C6: variants seen among roughly 807,000 people sequenced by gnomAD.
C6 encodes the protein complement C6, also known as complement component C6.
Under a neutral mutation model 112.9 loss-of-function variants are expected in C6, and 101 were observed. The ratio of observed to expected loss-of-function variants is 0.89; its 90% CI spans 0.76 to 1.06. The LOEUF (loss-of-function observed/expected upper bound fraction) is 1.06. Among genes scored for constraint, C6 ranks in the 50% least tolerant of loss-of-function variants. The pLI, the probability that C6 is intolerant of heterozygous loss-of-function variation, is 0.00. For missense variants in C6, 1,202 were observed against 1,104.6 expected, an observed-to-expected ratio of 1.09 and a Z score of -1.25; for synonymous variants, 431 against 384.1, an observed-to-expected ratio of 1.12 and a Z score of -1.43.
At chr5:41,165,361 A>G (rs980263085) in intron 9 of C6, among the ~76,000 whole-genome samples, 1 of 152,178 alleles carries the variant, frequency 6.6e-6, no homozygotes, top group Non-Finnish European at 1.5e-5. Flanking sequence ...ATTGCCAAAT[A>G]GTTTCCAAAA....
intron 10 of C6, among the ~76,000 whole-genome samples, chr5:41,160,681 A>T (rs1747404090): frequency 6.6e-6 from 1 of 152,154 alleles, no homozygotes; most frequent in African/African-American, 2.4e-5. Flanking sequence ...GAGATAGGTG[A>T]CCAAGAGTTA....
chr5:41,142,664 G>C lies in C6; in HGVS notation c.*161C>G, dbSNP rs1745455344. 3.0e-6 allele frequency: 2 copies of C among 665,578 alleles called. No individual in the cohort carries two copies. Among genetic ancestry groups the C allele is most frequent in the East Asian group, 5.5e-5 (2 of 36,514 alleles). 41.2% of individuals were successfully genotyped at this position (665,578 alleles called of 1,614,324 possible). On this transcript the variant is annotated 3_prime_UTR_variant, in exon 18 of 18. Coordinates refer to ENST00000337836, the MANE Select transcript of C6 (RefSeq NM_000065.5). ...AACTGAATAAGACATGCCCAAACAG[G>C]AGAGTCAGGGGAGAATAATGATCTC...
At chr5:41,169,067 G>A (rs549141041) in intron 9 of C6, among the ~76,000 whole-genome samples, 1 of 152,210 alleles carries the variant, frequency 6.6e-6, no homozygotes, top group South Asian at 2.1e-4. Flanking sequence ...CTTTTTGTGA[G>A]GAAGATTCAA....
chr5:41,175,197 C>G (rs1379272371), intron 8 of C6, among the ~76,000 whole-genome samples: 2 of 152,120 alleles, frequency 1.3e-5, no homozygotes. Context: ...GGACACCCAT[C>G]CAGCCAGCCA....
At chr5:41,184,334 A>T (rs1173337809) in intron 6 of C6, among the ~76,000 whole-genome samples, 1 of 152,090 alleles carries the variant, frequency 6.6e-6, no homozygotes, top group Admixed American at 6.6e-5. Context: ...TTCTTGATAT[A>T]CTACAAATGT....
intron 17 of C6, among the ~76,000 whole-genome samples, chr5:41,147,788 C>T (rs1000445848): frequency 1.3e-5 from 2 of 152,138 alleles, no homozygotes; most frequent in African/African-American, 4.8e-5. Context: ...CTTAGTTGGG[C>T]TATTTCAGGG....
At chr5:41,192,787 A>G (rs1463590189) in intron 5 of C6, among the ~76,000 whole-genome samples, 1 of 152,200 alleles carries the variant, frequency 6.6e-6, no homozygotes, top group Non-Finnish European at 1.5e-5. Flanking sequence ...ATATTGTAGA[A>G]TTTCATTTTT....
chr5:41,180,784 T>C (rs1242186558), intron 7 of C6, among the ~76,000 whole-genome samples: 1 of 147,538 alleles, frequency 6.8e-6, no homozygotes, highest in Non-Finnish European at 1.5e-5. Flanking sequence ...CAATGTTAGA[T>C]ACAAAAGATT....
intron 1 of C6, among the ~76,000 whole-genome samples, chr5:41,235,160 T>C (rs1384022629): frequency 6.8e-6 from 1 of 147,274 alleles, no homozygotes; most frequent in Non-Finnish European, 1.5e-5. Context: ...TGTGCCATGC[T>C]GGTGCGCTGC....
At chr5:41,176,819 G>GAATTACAAT in intron 7 of C6, 104 bp from the exon 8 acceptor site, 4 of 1,097,328 alleles carry the variant, frequency 3.6e-6, no homozygotes, top group Non-Finnish European at 5.3e-6. Context: ...TCCCACCACA[G>GAATTACAAT]AATTACAATA....
At chr5:41,185,631 C>T (rs562076910) in intron 6 of C6, among the ~76,000 whole-genome samples, 1 of 152,186 alleles carries the variant, frequency 6.6e-6, no homozygotes, top group East Asian at 1.9e-4. Flanking sequence ...TCTCATTAGA[C>T]TGACTCATCA....
chr5:41,232,741 CAATT>C (rs1048659639), intron 1 of C6, among the ~76,000 whole-genome samples: 26 of 152,162 alleles, frequency 1.7e-4, no homozygotes, highest in Non-Finnish European at 2.5e-4. Context: ...TTTTCAGTCT[CAATT>C]AACTTCCTCA....
chr5:41,244,994 T>G (rs1190892366), intron 1 of C6, among the ~76,000 whole-genome samples: 3 of 152,216 alleles, frequency 2.0e-5, no homozygotes, highest in Non-Finnish European at 4.4e-5. Flanking sequence ...ATTCCTAGGA[T>G]TTATTGCACT....
intron 5 of C6, among the ~76,000 whole-genome samples, chr5:41,195,071 T>G (rs1434257316): frequency 6.6e-6 from 1 of 152,206 alleles, no homozygotes; most frequent in Non-Finnish European, 1.5e-5. Context: ...TGGGACTCGT[T>G]TCTCAGTTTG....
chr5:41,257,711 C>T (rs1364260698), intron 1 of C6, among the ~76,000 whole-genome samples: 1 of 152,150 alleles, frequency 6.6e-6, no homozygotes, highest in Admixed American at 6.6e-5. Context: ...TTTGTAGGCA[C>T]ATACTCTGCC....
upstream of C6, among the ~76,000 whole-genome samples, chr5:41,218,217 C>G (rs1279798495): frequency 6.6e-6 from 1 of 152,040 alleles, no homozygotes; most frequent in African/African-American, 2.4e-5. Flanking sequence ...TATAAGAAAT[C>G]CGTCTATTCA....
chr5:41,207,577 C>G (rs560745816), intron 1 of C6, among the ~76,000 whole-genome samples: 1 of 152,222 alleles, frequency 6.6e-6, no homozygotes, highest in Non-Finnish European at 1.5e-5. Flanking sequence ...GTGTTGCGAT[C>G]CTAGTCTCTG....
At position 41,142,814 on chromosome 5, in the gene C6, C is replaced by T. The variant is rs1350768543; in HGVS notation, c.*11G>A. The T allele has an allele frequency of 6.2e-7, 1 of 1,603,874 alleles. No homozygotes were observed. On this transcript the variant is annotated 3_prime_UTR_variant, in exon 18 of 18. Transcript: ENST00000337836. The stretch of plus-strand genomic sequence containing the variant: ...AATCTGTTCATTGTGCTGGGCCTAG[C>T]AGTAATTGTGCTAGGCCAAACACTT...
rs200177908 is a variant in C6 at position 41,142,797 on chromosome 5, C to A, written c.*28G>T. On this transcript the variant is annotated 3_prime_UTR_variant, in exon 18 of 18. Transcript: ENST00000337836. ...GGTTCTTCGGGATGGTAAATCTGTTCATTGTGCTGGGCCTAGCAGTAATTG... is the reference window on the plus strand; with the variant it reads ...GGTTCTTCGGGATGGTAAATCTGTTAATTGTGCTGGGCCTAGCAGTAATTG... 323 of 1,570,334 alleles carry A rather than the reference C, an allele frequency of 2.1e-4. 1 individual carries two copies. In the African/African-American group the frequency reaches 4.1e-3, roughly 20 times the overall value.
Sources: gnomAD v4.1 joint callset for allele counts (sites outside exome capture counted in the v4.1 genomes callset) on GRCh38, gnomAD v4.1.1 for gene constraint, MANE v1.5 for transcripts, NCBI Gene and HGNC (gene_info 2026-07-23, HGNC 2026-07-21) for gene names.